FAT3: variants seen among roughly 807,000 people sequenced by gnomAD.
FAT3 encodes the protein FAT atypical cadherin 3.
A neutral mutation model predicts 310.2 loss-of-function variants in FAT3; 95 were observed. That is an observed-to-expected ratio of 0.31 (90% CI 0.26 to 0.36). The LOEUF (loss-of-function observed/expected upper bound fraction) is 0.36. Among genes scored for constraint, FAT3 ranks in the 10% least tolerant of loss-of-function variants. The pLI, the probability that FAT3 is intolerant of heterozygous loss-of-function variation, is 1.00. For synonymous variants in FAT3, 2,314 were observed against 2,192.9 expected, an observed-to-expected ratio of 1.06 and a Z score of -1.54; for missense variants, 5,408 against 5,715.6, an observed-to-expected ratio of 0.95 and a Z score of 1.74.
At chr11:92,482,724 G>C (rs1201230849) in intron 2 of FAT3, among the ~76,000 whole-genome samples, 1 of 152,114 alleles carries the variant, frequency 6.6e-6, no homozygotes, top group Non-Finnish European at 1.5e-5. Context: ...CCTAGAGTCA[G>C]GCCTGAGCAG....
At chr11:92,386,510 A>G (rs376842000) in intron 2 of FAT3, among the ~76,000 whole-genome samples, 9 of 152,228 alleles carry the variant, frequency 5.9e-5, no homozygotes, top group African/African-American at 2.2e-4. Flanking sequence ...GCAATCATAA[A>G]AGCATAAAGG....
In FAT3 at chr11:92,282,390, C is replaced by T. The variant is rs564459572; in HGVS notation, c.-18+57216C>T. Among the ~76,000 whole-genome samples, 40 of 152,190 alleles carry T rather than the reference C, an allele frequency of 2.6e-4. No individual in the cohort carries two copies. In the East Asian group the frequency reaches 4.7e-3, roughly 18 times the overall value. ...ACATGAAAGCATGATGTTGGCCAGG[C>T]GCAGTGTCTCATGCCTATAATCTCA... On this transcript the variant is annotated intron_variant, in intron 1 of 27. Transcript: ENST00000525166.
At chr11:92,418,419 A>ACCCCC (rs1208826432) in intron 2 of FAT3, among the ~76,000 whole-genome samples, 9 of 39,484 alleles carry the variant, frequency 2.3e-4, no homozygotes, top group Non-Finnish European at 3.3e-4. Flanking sequence ...AAAGTTAAAC[A>ACCCCC]CCCCCCCCAC....
intron 2 of FAT3, among the ~76,000 whole-genome samples, chr11:92,372,902 C>A (rs554089748): frequency 6.6e-6 from 1 of 152,082 alleles, no homozygotes. Flanking sequence ...CCTTGTGATC[C>A]GCCTGCCTCA....
At position 92,524,747 on chromosome 11, in the gene FAT3, A is replaced by T. The variant is rs1369787350; in HGVS notation, c.3406A>T (p.Ile1136Phe). ...VPLYSTIEVY[I>F]EVEDVNDNAP... ...ACTCTACTCCACCATTGAGGTCTAC[A>T]TTGAAGTTGAAGATGTGAATGACAA... The change falls in exon 3 of 28, where the codon ATT becomes TTT. Residue 1136 changes from isoleucine (I) to phenylalanine (F), a missense_variant. Ile to Phe is a conservative substitution (Grantham distance 21). This residue lies in a region of FAT3 where 4,588 missense variants were observed against 4,809.8 expected (regional missense o/e 0.95). Transcript: ENST00000525166. The T allele has an allele frequency of 3.7e-6, 6 of 1,613,840 alleles. No homozygotes were observed. The highest frequency in any genetic ancestry group is 4.2e-6 in the Non-Finnish European group (5 of 1,179,830).
intron 3 of FAT3, among the ~76,000 whole-genome samples, chr11:92,682,193 G>A (rs1376458033): frequency 6.6e-6 from 1 of 152,114 alleles, no homozygotes; most frequent in Admixed American, 6.6e-5. Flanking sequence ...ACAAAATGGG[G>A]GTAAGAATAG....
At chr11:92,226,055 G>A (rs145472612) in intron 1 of FAT3, among the ~76,000 whole-genome samples, 153 of 152,314 alleles carry the variant, frequency 1.0e-3, no homozygotes, top group Admixed American at 2.1e-3. Flanking sequence ...CCACTCCCGG[G>A]CGGTTCGGGA....
intron 1 of FAT3, among the ~76,000 whole-genome samples, chr11:92,273,049 A>G (rs150815020): frequency 3.9e-5 from 6 of 152,214 alleles, no homozygotes; most frequent in Non-Finnish European, 7.4e-5. Flanking sequence ...GGCATCCCCC[A>G]TACCACTACT....
In FAT3 at chr11:92,836,570, TAGC is replaced by T; in HGVS notation, c.10094_10096del (p.Ala3365del). On this transcript the variant is annotated inframe_deletion, in exon 16 of 28. Transcript: ENST00000525166. The stretch of plus-strand genomic sequence containing the variant: ...TTTTGCTTGTTTTCCATGAAGCTAA[TAGC>T]AGAAGATGTAGACAGCCAGCCCAAC... The T allele has an allele frequency of 6.2e-7, 1 of 1,612,840 alleles. No individual in the cohort carries two copies. The highest frequency in any genetic ancestry group is 1.1e-5 in the South Asian group (1 of 90,680).
chr11:92,267,571 GA>G (rs11458048), intron 1 of FAT3, among the ~76,000 whole-genome samples: 109 of 130,152 alleles, frequency 8.4e-4, no homozygotes, highest in Admixed American at 3.1e-3. Context: ...AGTATGAAAA[GA>G]AAAAAAAAAA....
In FAT3 at chr11:92,378,118, T is replaced by C. The variant is rs114552606; in HGVS notation, c.3292+22714T>C. ...AAAATATTTGACTTTTAAATAATGT[T>C]CACTGTGTCATTGACCCTAGGAAGG... On this transcript the variant is annotated intron_variant, in intron 2 of 27. Transcript: ENST00000525166. Among the ~76,000 whole-genome samples the C allele has an allele frequency of 5.2e-3, 785 of 152,332 alleles. 13 individuals carry two copies. The highest frequency in any genetic ancestry group is 0.018 in the African/African-American group (740 of 41,578).
intron 10 of FAT3, among the ~76,000 whole-genome samples, chr11:92,804,441 G>A (rs1006338923): frequency 5.5e-4 from 84 of 152,092 alleles, no homozygotes; most frequent in African/African-American, 1.7e-3. Context: ...TAATGATGTG[G>A]AAAAGTCATA....
intron 3 of FAT3, among the ~76,000 whole-genome samples, chr11:92,588,043 A>C (rs778520609): frequency 6.6e-6 from 1 of 151,920 alleles, no homozygotes; most frequent in Non-Finnish European, 1.5e-5. Flanking sequence ...AAAGACTTTC[A>C]GGTCTTTAGG....
At chr11:92,755,351 T>C (rs1037343263) in intron 4 of FAT3, among the ~76,000 whole-genome samples, 1 of 152,064 alleles carries the variant, frequency 6.6e-6, no homozygotes, top group African/African-American at 2.4e-5. Flanking sequence ...GCCTCCCGAG[T>C]ATCTGGGATT....
At chr11:92,588,407 T>C (rs1254146745) in intron 3 of FAT3, among the ~76,000 whole-genome samples, 1 of 152,020 alleles carries the variant, frequency 6.6e-6, no homozygotes, top group African/African-American at 2.4e-5. Context: ...TGTACTATTA[T>C]TATTGGCAGT....
At chr11:92,600,605 T>C (rs2135586596) in intron 3 of FAT3, among the ~76,000 whole-genome samples, 1 of 152,342 alleles carries the variant, frequency 6.6e-6, no homozygotes, top group South Asian at 2.1e-4. Flanking sequence ...GAGTGTCTAC[T>C]ATTTGCCAGG....
chr11:92,648,571 C>A (rs556309020), intron 3 of FAT3, among the ~76,000 whole-genome samples: 11 of 152,334 alleles, frequency 7.2e-5, no homozygotes, highest in African/African-American at 2.4e-4. Context: ...TTCCCAGCTC[C>A]AGAGCTCCTC....
chr11:92,619,051 G>A (rs996937921), intron 3 of FAT3, among the ~76,000 whole-genome samples: 6 of 152,110 alleles, frequency 3.9e-5, no homozygotes, highest in African/African-American at 1.4e-4. Flanking sequence ...AATCCTGAAA[G>A]GGTTGTTAGA....
intron 1 of FAT3, among the ~76,000 whole-genome samples, chr11:92,232,815 T>C (rs1034631169): frequency 1.3e-5 from 2 of 152,080 alleles, no homozygotes; most frequent in Non-Finnish European, 2.9e-5. Flanking sequence ...AGAATTATTA[T>C]TGTGGAATTT....
Sources: gnomAD v4.1 joint callset for allele counts (sites outside exome capture counted in the v4.1 genomes callset) on GRCh38, gnomAD v4.1.1 for gene constraint, gnomAD v4.1.1 regional missense constraint, MANE v1.5 for transcripts, NCBI Gene and HGNC (gene_info 2026-07-23, HGNC 2026-07-21) for gene names.